Variants in DHX32 observed in about 807,000 individuals in gnomAD.
DHX32 encodes putative pre-mRNA-splicing factor ATP-dependent RNA helicase DHX32.
A neutral mutation model predicts 70.0 loss-of-function variants in DHX32; 51 were observed. The observed-to-expected ratio is 0.73, with a 90% CI of 0.58 to 0.92. DHX32 has a LOEUF of 0.92. DHX32 is among the 40% of genes least tolerant of loss of function. The pLI, the probability that DHX32 is intolerant of heterozygous loss-of-function variation, is 0.00. For synonymous variants in DHX32, 310 were observed against 315.3 expected, an observed-to-expected ratio of 0.98 and a Z score of 0.18; for missense variants, 762 against 891.8, an observed-to-expected ratio of 0.85 and a Z score of 1.85.
At chr10:125,837,852 C>T (rs1204775652) in intron 10 of DHX32, among the ~76,000 whole-genome samples, 2 of 152,224 alleles carry the variant, frequency 1.3e-5, no homozygotes, top group African/African-American at 2.4e-5. Flanking sequence ...AGCCTTCCCT[C>T]CTTCCTCTTC....
intron 1 of DHX32, 23 bp downstream of exon 1, chr10:125,880,520 T>A: frequency 6.4e-7 from 1 of 1,553,234 alleles, no homozygotes; most frequent in Non-Finnish European, 8.7e-7. Flanking sequence ...TACAGCAAAT[T>A]ATTTTTTGTA....
At chr10:125,863,897 A>G in intron 2 of DHX32, among the ~76,000 whole-genome samples, 1 of 152,212 alleles carries the variant, frequency 6.6e-6, no homozygotes, top group East Asian at 1.9e-4. Context: ...TACCACATAC[A>G]TACACCATGC....
chr10:125,892,274 C>G (rs370191790), intron 1 of DHX32, among the ~76,000 whole-genome samples: 3,491 of 131,430 alleles, frequency 0.027, no homozygotes, highest in African/African-American at 0.13. Context: ...TCTCCTGGTT[C>G]TCTTCATTTC....
intron 1 of DHX32, among the ~76,000 whole-genome samples, 164 bp downstream of exon 1, chr10:125,880,379 G>C (rs1944309691): frequency 6.6e-6 from 1 of 151,850 alleles, no homozygotes; most frequent in African/African-American, 2.4e-5. Context: ...GCTAGTATTA[G>C]TAAAATTAAT....
intron 3 of DHX32, among the ~76,000 whole-genome samples, chr10:125,859,045 G>GTTTTTTT (rs71029270): frequency 3.5e-5 from 5 of 141,698 alleles, no homozygotes; most frequent in African/African-American, 5.4e-5. Flanking sequence ...TTGTTTGTTT[G>GTTTTTTT]TTTTTTTTTT....
chr10:125,843,245 C>G (rs1435898571), intron 6 of DHX32, among the ~76,000 whole-genome samples: 1 of 152,072 alleles, frequency 6.6e-6, no homozygotes. Context: ...GCGCTTGAAC[C>G]TGTCTGCTCC....
intron 2 of DHX32, among the ~76,000 whole-genome samples, chr10:125,862,865 C>CAA (rs930452591): frequency 1.5e-5 from 2 of 136,222 alleles, no homozygotes; most frequent in African/African-American, 2.7e-5. Flanking sequence ...CAAAACAAAG[C>CAA]AAAAAAAAAA....
intron 9 of DHX32, among the ~76,000 whole-genome samples, chr10:125,838,688 C>T (rs1020215463): frequency 6.6e-6 from 1 of 152,074 alleles, no homozygotes; most frequent in Non-Finnish European, 1.5e-5. Flanking sequence ...ATACTATGGG[C>T]GACATACACT....
chr10:125,865,241 C>CT (rs1478927123), intron 2 of DHX32, among the ~76,000 whole-genome samples: 2 of 152,190 alleles, frequency 1.3e-5, no homozygotes, highest in Non-Finnish European at 2.9e-5. Context: ...CTGTCCAGCT[C>CT]TTTAACTAGT....
At chr10:125,871,055 G>A (rs1014784196) in intron 1 of DHX32, among the ~76,000 whole-genome samples, 8 of 152,214 alleles carry the variant, frequency 5.3e-5, no homozygotes, top group African/African-American at 1.9e-4. Context: ...AATTCGACAA[G>A]ATTCCAATGA....
At chr10:125,875,485 A>C (rs1336874043) in intron 1 of DHX32, among the ~76,000 whole-genome samples, 1 of 152,252 alleles carries the variant, frequency 6.6e-6, no homozygotes, top group African/African-American at 2.4e-5. Flanking sequence ...AGGCTTAGTA[A>C]TACATTATAA....
At chr10:125,892,394 A>G (rs1944376773) in intron 1 of DHX32, among the ~76,000 whole-genome samples, 2 of 152,312 alleles carry the variant, frequency 1.3e-5, no homozygotes, top group Admixed American at 1.3e-4. Flanking sequence ...AAACTGATCC[A>G]GTCACTGACC....
At chr10:125,891,548 A>G (rs1413724149) in intron 1 of DHX32, among the ~76,000 whole-genome samples, 1 of 152,266 alleles carries the variant, frequency 6.6e-6, no homozygotes, top group East Asian at 1.9e-4. Context: ...CCTAGGCAAC[A>G]TAGCAAGACT....
At chr10:125,855,435 A>C (rs1416717533) in intron 3 of DHX32, among the ~76,000 whole-genome samples, 1 of 149,978 alleles carries the variant, frequency 6.7e-6, no homozygotes. Context: ...GCAATTTCCT[A>C]TCAAGATAAA....
chr10:125,857,899 C>CT (rs1944158776), intron 3 of DHX32, among the ~76,000 whole-genome samples: 1 of 136,588 alleles, frequency 7.3e-6, no homozygotes. Flanking sequence ...TTTAATTTTT[C>CT]ATTTTTTTTT....
intron 1 of DHX32, among the ~76,000 whole-genome samples, chr10:125,867,474 C>T (rs1052492450): frequency 3.9e-5 from 6 of 152,104 alleles, no homozygotes; most frequent in Admixed American, 6.6e-5. Flanking sequence ...TGGTGGCTCA[C>T]GCCTGTAATC....
intron 6 of DHX32, among the ~76,000 whole-genome samples, chr10:125,846,555 C>T (rs1944022800): frequency 2.6e-5 from 4 of 152,198 alleles, no homozygotes; most frequent in Non-Finnish European, 5.9e-5. Flanking sequence ...CAGCCTCACT[C>T]TTGGCCCTTC....
chr10:125,838,441 A>G (rs1589701208), intron 9 of DHX32, 54 bp from the exon 10 acceptor site: 1 of 1,440,588 alleles, frequency 6.9e-7, no homozygotes, highest in South Asian at 1.6e-5. Context: ...GGAGATCATT[A>G]TACAAAGATG....
rs183570444 is a variant in DHX32, at chr10:125,855,730, G to A, written c.850-1527C>T. On this transcript the variant is annotated intron_variant, in intron 3 of 10. Transcript: ENST00000284690. ...CTCCCAAAGTGCTGGGATTACAGGCGTAAGCCACCGCACCTGGCCCAAGAT... is the reference window on the plus strand; with the variant it reads ...CTCCCAAAGTGCTGGGATTACAGGCATAAGCCACCGCACCTGGCCCAAGAT... 8.5e-5 allele frequency among the ~76,000 whole-genome samples: 13 copies of A among 152,246 alleles called. No individual in the cohort carries two copies. In the East Asian group the frequency reaches 1.2e-3, roughly 14 times the overall value.
Sources: gnomAD v4.1 joint callset for allele counts (sites outside exome capture counted in the v4.1 genomes callset) on GRCh38, gnomAD v4.1.1 for gene constraint, MANE v1.5 for transcripts, NCBI Gene and HGNC (gene_info 2026-07-23, HGNC 2026-07-21) for gene names.